Variants in ADAMTS10 observed in about 807,000 individuals in gnomAD.
ADAMTS10 encodes the protein ADAM metallopeptidase with thrombospondin type 1 motif 10.
ADAMTS10 carries 48 observed loss-of-function variants against 135.9 expected under a neutral mutation model. The observed-to-expected ratio is 0.35, with a 90% confidence interval of 0.28 to 0.45. The LOEUF is 0.45. Ranked by LOEUF, ADAMTS10 falls within the 20% of genes least tolerant of loss-of-function variation. The pLI is 1.00. For synonymous variants in ADAMTS10, 621 were observed against 647.5 expected (o/e 0.96, Z 0.62); for missense variants, 1,131 against 1,565.2 (o/e 0.72, Z 4.68).
chr19:8,592,497 G>A (rs1483010461), intron 13 of ADAMTS10, among the ~76,000 whole-genome samples: 1 of 151,866 alleles, frequency 6.6e-6, no homozygotes, highest in Non-Finnish European at 1.5e-5. Flanking sequence ...AGAGCCGTGG[G>A]AATCATTACA....
intron 22 of ADAMTS10, among the ~76,000 whole-genome samples, 175 bp downstream of exon 22, chr19:8,585,947 G>T (rs1369193787): frequency 1.3e-5 from 2 of 152,092 alleles, no homozygotes; most frequent in Non-Finnish European, 2.9e-5. Context: ...CACCTTGGGG[G>T]CACTATTACC....
Position 8,593,057 on chromosome 19 carries a change from C to T in ADAMTS10, c.1480-187G>A, listed in dbSNP as rs1489984536. ...CGGGGCATGGCCTGTGACTTATACT[C>T]TCCCAATAAGCTCCATTTATGGAGC... On this transcript the variant is annotated intron_variant, in intron 12 of 25. Transcript: ENST00000597188. The T allele has an allele frequency of 9.4e-6, 6 of 640,948 alleles. No homozygotes were observed. In the African/African-American group the frequency reaches 1.1e-4, roughly 12 times the overall value. The allele number at this position is 640,948 out of a possible 1,614,324, so 39.7% of individuals were successfully genotyped here. A position where few individuals can be genotyped will look rare whatever the true frequency, so the allele number is the denominator to read the frequency against.
rs1555738956 is a variant in ADAMTS10, at chr19:8,591,780, A to G, written c.1797+20T>C. On this transcript the variant is annotated intron_variant, in intron 15 of 25. Coordinates refer to ENST00000597188, the MANE Select transcript of ADAMTS10 (RefSeq NM_030957.4). ...TAATGCTTCCTCCCCCCACCCCTCA[A>G]GGGGTTTGGGGGAACTCACATCCGT... is the stretch of plus-strand genomic sequence containing the variant. 1 of 1,613,116 alleles carries G rather than the reference A, an allele frequency of 6.2e-7. No individual in the cohort carries two copies. Among genetic ancestry groups the G allele is most frequent in the Non-Finnish European group, 8.5e-7 (1 of 1,179,694 alleles).
intron 2 of ADAMTS10, among the ~76,000 whole-genome samples, chr19:8,606,305 C>G (rs1306363788): frequency 6.6e-6 from 1 of 152,136 alleles, no homozygotes; most frequent in Non-Finnish European, 1.5e-5. Flanking sequence ...TCAAGGGATC[C>G]TTTCACCTCA....
At chr19:8,604,396 GTGTATGTGTATAGTATGTA>G (rs1568406757) in intron 4 of ADAMTS10, among the ~76,000 whole-genome samples, 1 of 148,794 alleles carries the variant, frequency 6.7e-6, no homozygotes, top group Non-Finnish European at 1.5e-5. Context: ...TTATATATGT[GTGTATGTGTATAGTATGTA>G]TGTATGTGTA....
rs1195784401 is a variant in ADAMTS10 at position 8,584,989 on chromosome 19, C to T, written c.3108G>A (p.Gln1036=). The change falls in exon 25 of 26, where the codon CAG becomes CAA. Residue 1036 remains glutamine (Q), a synonymous_variant. Transcript: ENST00000597188. ...GGGCCTCCGTGCACTCGTGCGACGC[C>T]TGGCCCGTGTGGCTGGTGCAGCGCA... is the stretch of plus-strand genomic sequence containing the variant. The part of the protein sequence containing the change: ...RSVRCTSHTG[Q]ASHECTEALR... The T allele has an allele frequency of 6.5e-7, 1 of 1,543,962 alleles. No individual in the cohort carries two copies. Among genetic ancestry groups the T allele is most frequent in the Non-Finnish European group, 8.7e-7 (1 of 1,145,648 alleles).
intron 1 of ADAMTS10, among the ~76,000 whole-genome samples, chr19:8,609,379 A>G (rs1555743129): frequency 6.6e-6 from 1 of 151,872 alleles, no homozygotes; most frequent in African/African-American, 2.4e-5. Flanking sequence ...AATGGCTTAG[A>G]AACAGAGGCT....
Position 8,580,763 on chromosome 19 carries a change from A to C in ADAMTS10, c.*130T>G, listed in dbSNP as rs1555735554. Reference sequence around the variant, plus strand: ...AGCCAGGGCCCTGCAGGGGTTCCCAATAAATAACTTCCGGCTCCGTCTCAC... The same window carrying C: ...AGCCAGGGCCCTGCAGGGGTTCCCACTAAATAACTTCCGGCTCCGTCTCAC... On this transcript the variant is annotated 3_prime_UTR_variant, in exon 26 of 26. Coordinates refer to ENST00000597188, the MANE Select transcript of ADAMTS10 (RefSeq NM_030957.4). The C allele has an allele frequency of 4.1e-6, 3 of 726,852 alleles. No individual in the cohort carries two copies. Among genetic ancestry groups the C allele is most frequent in the African/African-American group, 3.5e-5 (2 of 56,666 alleles). 45.0% of individuals were successfully genotyped at this position (726,852 alleles called of 1,614,324 possible).
intron 2 of ADAMTS10, among the ~76,000 whole-genome samples, chr19:8,607,510 C>T (rs2042733636): frequency 6.6e-6 from 1 of 152,206 alleles, no homozygotes; most frequent in Non-Finnish European, 1.5e-5. Context: ...TCTTCCCCCA[C>T]CCTGCTGTCT....
At chr19:8,599,786 GT>G (rs2042643203) in intron 6 of ADAMTS10, among the ~76,000 whole-genome samples, 1 of 151,676 alleles carries the variant, frequency 6.6e-6, no homozygotes, top group East Asian at 1.9e-4. Flanking sequence ...ATTTTTAAAT[GT>G]TTTGTAGAGA....
chr19:8,592,202 C>G, intron 13 of ADAMTS10, 99 bp from the exon 14 acceptor site: 1 of 1,585,496 alleles, frequency 6.3e-7, no homozygotes. Context: ...GAGATATCAG[C>G]CTCTCCGGGA....
In ADAMTS10 at chr19:8,592,069, G is replaced by A. The variant is rs782465700; in HGVS notation, c.1622C>T (p.Ser541Leu). ...CYKRVCVPFG[S>L]RPEGVDGAWG... Reference sequence around the variant, plus strand: ...GGCTCCGTCCACACCCTCTGGGCGCGACCCAAAGGGGACACAGACCCGTTT... The same window carrying A: ...GGCTCCGTCCACACCCTCTGGGCGCAACCCAAAGGGGACACAGACCCGTTT... Residue 541 changes from serine (S) to leucine (L), a missense_variant, in exon 14 of 26, where the codon TCG becomes TTG. Physicochemically the swap from Ser to Leu is moderately radical, Grantham distance 145. Coordinates refer to ENST00000597188, the MANE Select transcript of ADAMTS10 (RefSeq NM_030957.4). The A allele has an allele frequency of 4.0e-5, 65 of 1,613,512 alleles. No homozygotes were observed. The highest frequency in any genetic ancestry group is 1.3e-5 in the African/African-American group (1 of 74,904).
In ADAMTS10 at chr19:8,600,975, G is replaced by A; in HGVS notation, c.763C>T (p.His255Tyr). Residue 255 changes from histidine to tyrosine, a missense_variant, in exon 6 of 26, where the codon CAC becomes TAC. Physicochemically the swap from His to Tyr is moderately conservative, Grantham distance 83. Around this residue, in one of 3 missense-constraint regions of ADAMTS10, gnomAD observed 80 missense variants for 164.4 expected, o/e 0.49. Coordinates refer to ENST00000597188, the MANE Select transcript of ADAMTS10 (RefSeq NM_030957.4). ...VVADKMMVAY[H>Y]GRRDVEQYVL... is the part of the protein sequence containing the mutation. Reference sequence around the variant, plus strand: ...TACTGCTCCACATCCCGGCGCCCGTGATAGGCCACCATCATCTTGTCAGCC... The same window carrying A: ...TACTGCTCCACATCCCGGCGCCCGTAATAGGCCACCATCATCTTGTCAGCC... 1 of 1,614,180 alleles carries A rather than the reference G, an allele frequency of 6.2e-7. No individual in the cohort carries two copies. The highest frequency in any genetic ancestry group is 1.1e-5 in the South Asian group (1 of 91,090).
intron 6 of ADAMTS10, among the ~76,000 whole-genome samples, chr19:8,598,088 A>T (rs1226168984): frequency 6.6e-6 from 1 of 152,138 alleles, no homozygotes; most frequent in South Asian, 2.1e-4. Flanking sequence ...TGCTGGGATC[A>T]CAGGTGTGAG....
At chr19:8,589,815 ATTCATCCACCTGC>A in intron 16 of ADAMTS10, 61 bp downstream of exon 16, 1 of 1,500,212 alleles carries the variant, frequency 6.7e-7, no homozygotes, top group Non-Finnish European at 9.2e-7. Flanking sequence ...GGGATGCTGC[ATTCATCCACCTGC>A]TGCTGGACAC....
intron 11 of ADAMTS10, 65 bp from the exon 12 acceptor site, chr19:8,595,968 C>T (rs2042598814): frequency 6.2e-7 from 1 of 1,614,028 alleles, no homozygotes. Context: ...GGAGCCTCAG[C>T]TGGATGGGGG....
Position 8,605,457 on chromosome 19 carries a change from G to T in ADAMTS10, c.89-99C>A. On this transcript the variant is annotated intron_variant, in intron 3 of 25. Coordinates refer to ENST00000597188, the MANE Select transcript of ADAMTS10 (RefSeq NM_030957.4). The surrounding 1 kb of genome is among the most constrained non-coding windows in gnomAD (Gnocchi z 7.7). ...TGGAGCAAGTGATGCTGGCCTCACTGACCCCCGAAATCCAGGGAGTTGGCT... is the reference window on the plus strand; with the variant it reads ...TGGAGCAAGTGATGCTGGCCTCACTTACCCCCGAAATCCAGGGAGTTGGCT... 6.8e-7 allele frequency: 1 copy of T among 1,469,054 alleles called. No individual in the cohort carries two copies. 91.0% of individuals were successfully genotyped at this position (1,469,054 alleles called of 1,614,324 possible).
In ADAMTS10 at chr19:8,585,474, C is replaced by T. The variant is rs1347549285; in HGVS notation, c.2847G>A (p.Ala949=). Residue 949 remains alanine (A), a synonymous_variant, in exon 23 of 26, where the codon GCG becomes GCA. Coordinates refer to ENST00000597188, the MANE Select transcript of ADAMTS10 (RefSeq NM_030957.4). The part of the protein sequence containing the change: ...CHGPTCPPEW[A]ALDWSECTPS... The stretch of plus-strand genomic sequence containing the variant: ...GGCTGACCTCAGACCAGTCGAGGGC[C>T]GCCCACTCCGGAGGGCAAGTGGGGC... The T allele has an allele frequency of 6.5e-7, 1 of 1,536,080 alleles. No homozygotes were observed. Among genetic ancestry groups the T allele is most frequent in the Non-Finnish European group, 8.8e-7 (1 of 1,139,470 alleles).
In ADAMTS10 at chr19:8,606,667, A is replaced by C. The variant is rs565964667; in HGVS notation, c.-99-858T>G. On this transcript the variant is annotated intron_variant, in intron 2 of 25. Transcript: ENST00000597188. ...ACACTCGTATCCCTCATCTTTTTAT[A>C]GATGAGGAAATAGACTCAGGAGTGA... 2.0e-5 allele frequency among the ~76,000 whole-genome samples: 3 copies of C among 152,268 alleles called. No homozygotes were observed. The East Asian group carries it at 5.8e-4, about 29-fold the overall frequency.
Sources: gnomAD v4.1 joint callset for allele counts (sites outside exome capture counted in the v4.1 genomes callset) on GRCh38, gnomAD v4.1.1 for gene constraint, gnomAD v4.1.1 regional missense constraint, Gnocchi (gnomAD v3.1) non-coding constraint, MANE v1.5 for transcripts, NCBI Gene and HGNC (gene_info 2026-07-23, HGNC 2026-07-21) for gene names.